Variants in TCF7L1 observed in about 807,000 individuals in gnomAD.
TCF7L1 encodes transcription factor 7 like 1, also known as transcription factor 7-like 1.
TCF7L1 carries 18 observed loss-of-function variants against 63.7 expected under a neutral mutation model. That is an observed-to-expected ratio of 0.28 (90% CI 0.20 to 0.42). TCF7L1 has a LOEUF of 0.42. Ranked by LOEUF, TCF7L1 falls within the 10% of genes least tolerant of loss-of-function variation. TCF7L1 has a pLI of 1.00. For synonymous variants in TCF7L1, 355 were observed against 340.9 expected, an observed-to-expected ratio of 1.04 and a Z score of -0.46; for missense variants, 654 against 779.3, an observed-to-expected ratio of 0.84 and a Z score of 1.91.
chr2:85,261,123 GGTGTGTGTGTGTGTGTGTGT>G (rs3223762), intron 3 of TCF7L1, among the ~76,000 whole-genome samples: 7 of 106,698 alleles, frequency 6.6e-5, no homozygotes, highest in African/African-American at 1.6e-4. Flanking sequence ...AATTATTGCT[GGTGTGTGTGTGTGTGTGTGT>G]GTGTGTGTGT....
intron 3 of TCF7L1, among the ~76,000 whole-genome samples, chr2:85,173,793 A>G (rs921344566): frequency 6.6e-6 from 1 of 151,544 alleles, no homozygotes; most frequent in African/African-American, 2.4e-5. Context: ...CTGGAGTGCA[A>G]TGGCGCGATC....
chr2:85,260,599 G>A (rs113223455), intron 3 of TCF7L1, among the ~76,000 whole-genome samples: 324 of 151,126 alleles, frequency 2.1e-3, no homozygotes, highest in African/African-American at 6.9e-3. Flanking sequence ...AGCCAAGATC[G>A]TGCCACTGCA....
chr2:85,261,726 TAA>T (rs34335132), intron 3 of TCF7L1, among the ~76,000 whole-genome samples: 9 of 150,300 alleles, frequency 6.0e-5, no homozygotes, highest in Non-Finnish European at 1.2e-4. Context: ...TCCCATCTGT[TAA>T]AAAAAAAAAT....
intron 4 of TCF7L1, among the ~76,000 whole-genome samples, chr2:85,286,705 G>A (rs1681568122): frequency 6.6e-6 from 1 of 152,148 alleles, no homozygotes; most frequent in South Asian, 2.1e-4. Flanking sequence ...ACGTTGGTCA[G>A]ACTGGTCTCA....
chr2:85,235,392 T>A (rs1440253741), intron 3 of TCF7L1, among the ~76,000 whole-genome samples: 1 of 151,250 alleles, frequency 6.6e-6, no homozygotes, highest in African/African-American at 2.4e-5. Context: ...TAGGATGCAG[T>A]GGAGTGAGCA....
At chr2:85,286,459 T>C (rs1681556375) in intron 4 of TCF7L1, among the ~76,000 whole-genome samples, 1 of 152,092 alleles carries the variant, frequency 6.6e-6, no homozygotes, top group Admixed American at 6.5e-5. Flanking sequence ...GGAGGATTGC[T>C]TGAGGCCAGG....
intron 3 of TCF7L1, among the ~76,000 whole-genome samples, chr2:85,215,554 G>T (rs1314129334): frequency 1.3e-5 from 2 of 152,246 alleles, no homozygotes; most frequent in Admixed American, 1.3e-4. Flanking sequence ...TTGGCCAACA[G>T]TGTACCCACG....
chr2:85,308,367 T>C (rs1008503606), intron 11 of TCF7L1, among the ~76,000 whole-genome samples: 137 of 53,718 alleles, frequency 2.6e-3, no homozygotes, highest in African/African-American at 7.7e-3. Context: ...CTCCCTTTCT[T>C]CCTCCCTCCC....
At position 85,283,519 on chromosome 2, in the gene TCF7L1, C is replaced by G. The variant is rs572442731; in HGVS notation, c.466C>G (p.Leu156Val). The stretch of plus-strand genomic sequence containing the variant: ...GTACCTGCAGATGAAATGGCCCCTC[C>G]TCGATGTCCCCTCCAGCGCCACAGT... ...RTYLQMKWPL[L>V]DVPSSATVKD... The change falls in exon 4 of 12, where the codon CTC becomes GTC. Residue 156 changes from leucine (L) to valine (V), a missense_variant. Physicochemically the swap from Leu to Val is conservative, Grantham distance 32. Transcript: ENST00000282111. 18 of 1,614,174 alleles carry G rather than the reference C, an allele frequency of 1.1e-5. No homozygotes were observed. Among genetic ancestry groups the G allele is most frequent in the Middle Eastern group, 1.7e-4 (1 of 6,060 alleles).
At chr2:85,196,604 A>G (rs1312494245) in intron 3 of TCF7L1, among the ~76,000 whole-genome samples, 1 of 151,872 alleles carries the variant, frequency 6.6e-6, no homozygotes, top group African/African-American at 2.4e-5. Flanking sequence ...GTTTGACCCC[A>G]AGTGATGCTC....
chr2:85,200,007 G>A (rs929603249), intron 3 of TCF7L1, among the ~76,000 whole-genome samples: 2 of 152,212 alleles, frequency 1.3e-5, no homozygotes, highest in Non-Finnish European at 2.9e-5. Context: ...ACAACATGTG[G>A]CCTTTTATGT....
At chr2:85,182,166 T>C (rs1572980021) in intron 3 of TCF7L1, among the ~76,000 whole-genome samples, 2 of 152,262 alleles carry the variant, frequency 1.3e-5, no homozygotes, top group East Asian at 3.9e-4. Flanking sequence ...CCCTCAAAAC[T>C]GAGCTTGTTC....
At position 85,305,294 on chromosome 2, in the gene TCF7L1, G is replaced by T; in HGVS notation, c.880G>T (p.Ala294Ser). 1 of 1,613,934 alleles carries T rather than the reference G, an allele frequency of 6.2e-7. No homozygotes were observed. Among genetic ancestry groups the T allele is most frequent in the Non-Finnish European group, 8.5e-7 (1 of 1,179,992 alleles). The change falls in exon 8 of 12, where the codon GCT becomes TCT. Residue 294 changes from alanine (A) to serine (S), a missense_variant. Coordinates refer to ENST00000282111, the MANE Select transcript of TCF7L1 (RefSeq NM_031283.3). ...CAGTCGGTTCTCTCCTCACATGGTG[G>T]CTCCTGCCCACCCTGGCCTGCCCAC... ...VSSRFSPHMV[A>S]PAHPGLPTSG...
At chr2:85,271,622 T>G (rs1466597700) in intron 3 of TCF7L1, among the ~76,000 whole-genome samples, 2 of 152,234 alleles carry the variant, frequency 1.3e-5, no homozygotes, top group African/African-American at 2.4e-5. Flanking sequence ...CATCCCTGTC[T>G]TATCTGAACC....
Position 85,304,168 on chromosome 2 carries a change from A to T in TCF7L1, c.762-87A>T, listed in dbSNP as rs1558662005. 1 of 1,417,134 alleles carries T rather than the reference A, an allele frequency of 7.1e-7. No individual in the cohort carries two copies. The highest frequency in any genetic ancestry group is 2.3e-5 in the East Asian group (1 of 43,282). The allele number at this position is 1,417,134 out of a possible 1,614,324, so 87.8% of individuals were successfully genotyped here. A position where few individuals can be genotyped will look rare whatever the true frequency, so the allele number is the denominator to read the frequency against. ...AGCATTACCTTCCCGCTTCCTTCCCATATTTCTCATCCCTTCTTCCCAAGT... is the reference window on the plus strand; with the variant it reads ...AGCATTACCTTCCCGCTTCCTTCCCTTATTTCTCATCCCTTCTTCCCAAGT... On this transcript the variant is annotated intron_variant, in intron 6 of 11. Transcript: ENST00000282111.
chr2:85,239,944 T>TAAAAAAAAAAAA (rs11337671), intron 3 of TCF7L1, among the ~76,000 whole-genome samples: 1 of 104,384 alleles, frequency 9.6e-6, no homozygotes, highest in African/African-American at 3.8e-5. Context: ...AGACTCCATC[T>TAAAAAAAAAAAA]AAAAAAAAAA....
At chr2:85,272,554 G>T (rs1244423529) in intron 3 of TCF7L1, among the ~76,000 whole-genome samples, 1 of 152,028 alleles carries the variant, frequency 6.6e-6, no homozygotes, top group Non-Finnish European at 1.5e-5. Context: ...AGCACTTTGG[G>T]AGGCTAAGGC....
intron 3 of TCF7L1, among the ~76,000 whole-genome samples, chr2:85,228,211 C>T (rs771982202): frequency 2.6e-5 from 4 of 151,820 alleles, no homozygotes; most frequent in Non-Finnish European, 5.9e-5. Flanking sequence ...CTTGAGCCCA[C>T]GGGTTCAAGA....
At chr2:85,214,154 C>T (rs1423185960) in intron 3 of TCF7L1, among the ~76,000 whole-genome samples, 1 of 152,236 alleles carries the variant, frequency 6.6e-6, no homozygotes, top group Non-Finnish European at 1.5e-5. Context: ...GCCACAGCCA[C>T]ATCCTCCATG....
Sources: gnomAD v4.1 joint callset for allele counts (sites outside exome capture counted in the v4.1 genomes callset) on GRCh38, gnomAD v4.1.1 for gene constraint, MANE v1.5 for transcripts, NCBI Gene and HGNC (gene_info 2026-07-23, HGNC 2026-07-21) for gene names.